UNC80: variants seen among roughly 807,000 people sequenced by gnomAD.
The protein encoded by UNC80 is protein unc-80 homolog.
UNC80 carries 164 observed loss-of-function variants against 384.6 expected under a neutral mutation model. That is an observed-to-expected ratio of 0.43 (90% CI 0.38 to 0.49). UNC80 has a LOEUF of 0.49. Ranked by LOEUF, UNC80 falls within the 20% of genes least tolerant of loss-of-function variation. UNC80 has a pLI of 0.00. For missense variants in UNC80, 3,330 were observed against 4,143.0 expected (o/e 0.80, Z 5.39); for synonymous variants, 1,486 against 1,527.8 (o/e 0.97, Z 0.64).
chr2:209,815,000 TTC>T (rs1223895707), intron 8 of UNC80, among the ~76,000 whole-genome samples: 1 of 151,984 alleles, frequency 6.6e-6, no homozygotes, highest in African/African-American at 2.4e-5. Flanking sequence ...GAGATCCATC[TTC>T]TCTCTATTTT....
At position 209,959,609 on chromosome 2, in the gene UNC80, C is replaced by A. The variant is rs1279993004; in HGVS notation, c.7707C>A (p.Phe2569Leu). Residue 2569 changes from phenylalanine (F) to leucine (L), a missense_variant, in exon 51 of 65, where the codon TTC (phenylalanine) becomes TTA (leucine). Phe to Leu is a conservative substitution (Grantham distance 22). This residue lies in a region of UNC80 where 1,049 missense variants were observed against 1,488.6 expected (regional missense o/e 0.70). Transcript: ENST00000673920. ...RESLLNICTE[F>L]YKHCGPRLKI... ...CCTTACTGAATATTTGCACTGAGTT[C>A]TATAAGCACTGTGGGCCACGGCTGA... 3.9e-6 allele frequency: 6 copies of A among 1,551,692 alleles called. No homozygotes were observed. Among genetic ancestry groups the A allele is most frequent in the Middle Eastern group, 1.7e-4 (1 of 5,992 alleles).
At position 209,982,246 on chromosome 2, in the gene UNC80, G is replaced by A. The variant is rs1419975414; in HGVS notation, c.9186G>A (p.Arg3062=). Residue 3062 remains arginine, a synonymous_variant, in exon 60 of 65, where the codon AGG becomes AGA. Transcript: ENST00000673920. The part of the protein sequence containing the change: ...QEAYLLSAIG[R]RRFSSHVSSM... ...CTTACCTCCTGAGTGCCATTGGAAG[G>A]AGGCGATTCTCCAGCCATGTCTCCA... 2 of 1,551,650 alleles carry A rather than the reference G, an allele frequency of 1.3e-6. No individual in the cohort carries two copies. The highest frequency in any genetic ancestry group is 2.4e-5 in the East Asian group (1 of 40,914).
intron 36 of UNC80, among the ~76,000 whole-genome samples, chr2:209,928,215 A>G (rs1414749373): frequency 6.6e-6 from 1 of 152,102 alleles, no homozygotes; most frequent in East Asian, 1.9e-4. Context: ...ACGTGCCTGT[A>G]ATCCCAGCTA....
chr2:209,983,786 T>C (rs2093216175), intron 60 of UNC80, among the ~76,000 whole-genome samples: 1 of 152,170 alleles, frequency 6.6e-6, no homozygotes, highest in Non-Finnish European at 1.5e-5. Context: ...AGAAAATTTG[T>C]CCTATTATAC....
At chr2:209,888,313 G>T in intron 26 of UNC80, 53 bp downstream of exon 26, 2 of 1,538,072 alleles carry the variant, frequency 1.3e-6, no homozygotes, top group Non-Finnish European at 1.8e-6. Context: ...TTTCTCATAG[G>T]ATATTTGCAC....
intron 58 of UNC80, 134 bp downstream of exon 58, chr2:209,977,212 G>C: frequency 1.1e-6 from 1 of 882,408 alleles, no homozygotes; most frequent in Non-Finnish European, 1.5e-6. Context: ...TGTTAGATTT[G>C]ACCATTTCTA....
intron 48 of UNC80, among the ~76,000 whole-genome samples, chr2:209,956,571 T>C (rs73984312): frequency 6.7e-6 from 1 of 150,266 alleles, no homozygotes; most frequent in Non-Finnish European, 1.5e-5. Context: ...CTTTTTTTTT[T>C]AAATTTTTTA....
intron 39 of UNC80, among the ~76,000 whole-genome samples, chr2:209,934,811 G>A (rs895729628): frequency 6.6e-6 from 1 of 152,200 alleles, no homozygotes; most frequent in African/African-American, 2.4e-5. Context: ...AATACTTGCT[G>A]CCATACCTGG....
chr2:209,912,489 C>T (rs910380184), intron 29 of UNC80, 71 bp from the exon 30 acceptor site: 26 of 915,148 alleles, frequency 2.8e-5, no homozygotes, highest in African/African-American at 2.1e-4. Flanking sequence ...TGGAGAATTG[C>T]GGGGACATAT....
intron 31 of UNC80, 69 bp downstream of exon 31, chr2:209,914,009 G>T: frequency 6.8e-7 from 1 of 1,467,290 alleles, no homozygotes. Flanking sequence ...GTTTAAATAA[G>T]AGAGGTGTTT....
intron 23 of UNC80, among the ~76,000 whole-genome samples, chr2:209,877,666 A>G (rs2084902349): frequency 1.3e-5 from 2 of 152,178 alleles, no homozygotes; most frequent in African/African-American, 4.8e-5. Flanking sequence ...AAAATAAATA[A>G]CCTTTGAGTA....
intron 29 of UNC80, among the ~76,000 whole-genome samples, chr2:209,910,662 T>C (rs907864750): frequency 6.6e-6 from 1 of 150,920 alleles, no homozygotes; most frequent in African/African-American, 2.4e-5. Flanking sequence ...TTTTTTTTTT[T>C]TTTTTTTTGG....
chr2:209,865,439 A>G (rs2083664769), intron 22 of UNC80, among the ~76,000 whole-genome samples: 1 of 152,072 alleles, frequency 6.6e-6, no homozygotes, highest in Admixed American at 6.6e-5. Context: ...CATCTCTACT[A>G]AAAATACAAA....
In UNC80 at chr2:209,976,159, A is replaced by T; in HGVS notation, c.8628A>T (p.Gly2876=). The change falls in exon 57 of 65, where the codon GGA becomes GGT. Residue 2876 remains glycine (G), a synonymous_variant. Transcript: ENST00000673920. This position sits in a 1 kb window ranked among gnomAD's most constrained non-coding sequence, Gnocchi z 4.3. ...VILVCFERQL[G]SQWYWLSLQV... is the part of the protein sequence containing the mutation. ...TCGTCTGCTTTGAGAGGCAGCTCGG[A>T]AGCCAGTGGTACTGGCTGAGCCTCC... 2 of 1,551,648 alleles carry T rather than the reference A, an allele frequency of 1.3e-6. No homozygotes were observed. The highest frequency in any genetic ancestry group is 1.7e-6 in the Non-Finnish European group (2 of 1,146,982).
chr2:209,993,298 C>G lies in UNC80; in HGVS notation c.9397-17C>G. The G allele has an allele frequency of 6.5e-7, 1 of 1,545,022 alleles. No homozygotes were observed. The highest frequency in any genetic ancestry group is 1.2e-5 in the South Asian group (1 of 83,064). On this transcript the variant is annotated splice_polypyrimidine_tract_variant and intron_variant, in intron 62 of 64. Coordinates refer to ENST00000673920, the MANE Select transcript of UNC80 (RefSeq NM_001371986.1). ...GTTAGACCCTCTTGCAAGTTTTATT[C>G]TGCCTATTCTCTTTAGCTAAGACGT... is the stretch of plus-strand genomic sequence containing the variant.
rs199844214 is a variant in UNC80, at chr2:209,866,537, G to T, written c.3628-6221G>T. On this transcript the variant is annotated intron_variant, in intron 22 of 64. Transcript: ENST00000673920. ...ACACACACACACACACACACACAGA[G>T]AGAGAGAGAGAGAGAGAGAGAGAGA... 3.3e-5 allele frequency among the ~76,000 whole-genome samples: 3 copies of T among 91,370 alleles called. No individual in the cohort carries two copies. In the South Asian group the frequency reaches 9.6e-4, roughly 29 times the overall value. The allele number at this position is 91,370 out of a possible 152,430, so 59.9% of individuals were successfully genotyped here.
At chr2:209,857,848 C>A (rs1431219722) in intron 22 of UNC80, among the ~76,000 whole-genome samples, 1 of 152,006 alleles carries the variant, frequency 6.6e-6, no homozygotes, top group Non-Finnish European at 1.5e-5. Context: ...TTTATAAAAT[C>A]CAGGGTTTTG....
intron 53 of UNC80, 114 bp from the exon 54 acceptor site, chr2:209,970,718 C>A: frequency 7.7e-7 from 1 of 1,298,708 alleles, no homozygotes; most frequent in Non-Finnish European, 1.0e-6. Flanking sequence ...TTGAAAGTAA[C>A]ATGTCCAACC....
chr2:209,920,490 G>T (rs1413491584), intron 33 of UNC80, among the ~76,000 whole-genome samples: 1 of 152,214 alleles, frequency 6.6e-6, no homozygotes, highest in Non-Finnish European at 1.5e-5. Context: ...GACATGAATA[G>T]AATAGCTGTT....
Sources: allele counts gnomAD v4.1 joint callset (sites outside exome capture counted in the v4.1 genomes callset), GRCh38; gene constraint gnomAD v4.1.1; regional missense constraint gnomAD v4.1.1; non-coding constraint Gnocchi (gnomAD v3.1); transcripts MANE v1.5; gene names NCBI Gene and HGNC (gene_info 2026-07-23, HGNC 2026-07-21).